FAM227B: variants seen among roughly 807,000 people sequenced by gnomAD.
The protein encoded by FAM227B is family with sequence similarity 227 member B.
A neutral mutation model predicts 73.8 loss-of-function variants in FAM227B; 88 were observed. That is an observed-to-expected ratio of 1.19 (90% CI 1.00 to 1.42). The LOEUF is 1.42. Among genes scored for constraint, FAM227B ranks in the 40% most tolerant of loss-of-function variants. FAM227B has a pLI of 0.00. For missense variants in FAM227B, 632 were observed against 590.9 expected (o/e 1.07, Z -0.72); for synonymous variants, 210 against 190.5 (o/e 1.10, Z -0.84).
At chr15:49,584,498 T>C (rs917161672) in intron 5 of FAM227B, among the ~76,000 whole-genome samples, 7 of 152,116 alleles carry the variant, frequency 4.6e-5, no homozygotes, top group South Asian at 2.1e-4. Context: ...GAACATAGTA[T>C]TGGAAGCCCT....
intron 10 of FAM227B, among the ~76,000 whole-genome samples, chr15:49,511,394 C>T (rs1055695053): frequency 2.0e-4 from 30 of 152,122 alleles, no homozygotes; most frequent in African/African-American, 7.2e-4. Context: ...TTCCATTTCT[C>T]TAATTTCCAT....
chr15:49,526,747 A>C (rs1312363909), intron 10 of FAM227B, among the ~76,000 whole-genome samples: 2 of 152,070 alleles, frequency 1.3e-5, no homozygotes, highest in African/African-American at 4.8e-5. Context: ...ACAAAGGATC[A>C]TCAGAGACTA....
chr15:49,587,420 C>T (rs1349798225), intron 5 of FAM227B, among the ~76,000 whole-genome samples: 3 of 152,074 alleles, frequency 2.0e-5, no homozygotes, highest in Non-Finnish European at 1.5e-5. Flanking sequence ...ATCTGTACAG[C>T]AAACCCGCAT....
intron 8 of FAM227B, among the ~76,000 whole-genome samples, chr15:49,571,334 C>T (rs2075086003): frequency 1.3e-5 from 2 of 151,894 alleles, no homozygotes; most frequent in Admixed American, 6.6e-5. Context: ...GTTTGCTTTG[C>T]TCTGCTGAAG....
In FAM227B at chr15:49,355,647, C is replaced by A. The variant is rs982245234; in HGVS notation, c.1271+11801G>T. Among the ~76,000 whole-genome samples the A allele has an allele frequency of 2.6e-5, 4 of 151,946 alleles. No individual in the cohort carries two copies. In the East Asian group the frequency reaches 5.8e-4, roughly 22 times the overall value. ...CCTGAAAGTGATGGGGAGAATGGAA[C>A]CAAGTTGGAAAACACTCTGCAGGAT... On this transcript the variant is annotated intron_variant, in intron 13 of 15. Transcript: ENST00000299338.
chr15:49,412,412 G>A (rs186671448), intron 11 of FAM227B, among the ~76,000 whole-genome samples: 1 of 152,056 alleles, frequency 6.6e-6, no homozygotes, highest in Non-Finnish European at 1.5e-5. Context: ...ATAGCTTTCA[G>A]GAATATGAAA....
At chr15:49,503,372 C>G (rs1485372865) in intron 11 of FAM227B, among the ~76,000 whole-genome samples, 2 of 152,136 alleles carry the variant, frequency 1.3e-5, no homozygotes, top group African/African-American at 4.8e-5. Context: ...TGGGCAAGGA[C>G]TTCATGTCTA....
At chr15:49,577,561 G>T in intron 6 of FAM227B, 68 bp downstream of exon 6, 1 of 960,850 alleles carries the variant, frequency 1.0e-6, no homozygotes, top group Non-Finnish European at 1.6e-6. Context: ...TTATATTGTT[G>T]TAAACATTAT....
chr15:49,615,451 A>G (rs2078229025), intron 1 of FAM227B, among the ~76,000 whole-genome samples: 1 of 152,068 alleles, frequency 6.6e-6, no homozygotes. Flanking sequence ...GGTGGTTTCT[A>G]ATGATTTTGC....
intron 11 of FAM227B, among the ~76,000 whole-genome samples, chr15:49,444,985 G>T (rs1567288430): frequency 6.6e-6 from 1 of 151,320 alleles, no homozygotes; most frequent in African/African-American, 2.4e-5. Flanking sequence ...TATTCATTCT[G>T]ATTCATATTC....
At chr15:49,335,689 G>C (rs1232112220) in intron 13 of FAM227B, among the ~76,000 whole-genome samples, 193 bp from the exon 14 acceptor site, 1 of 152,120 alleles carries the variant, frequency 6.6e-6, no homozygotes, top group Non-Finnish European at 1.5e-5. Flanking sequence ...CTTTAAACTT[G>C]TGTCCCATTA....
chr15:49,496,912 G>A (rs2057663658), intron 11 of FAM227B, among the ~76,000 whole-genome samples: 1 of 150,706 alleles, frequency 6.6e-6, no homozygotes, highest in African/African-American at 2.5e-5. Flanking sequence ...CACAGAATAA[G>A]GTTTTAGTAT....
At chr15:49,534,414 C>T (rs1459125219) in intron 10 of FAM227B, among the ~76,000 whole-genome samples, 1 of 151,748 alleles carries the variant, frequency 6.6e-6, no homozygotes, top group Non-Finnish European at 1.5e-5. Context: ...ATCAATTTAT[C>T]AAGAGGATGT....
intron 3 of FAM227B, among the ~76,000 whole-genome samples, chr15:49,595,524 T>C (rs1254319641): frequency 6.6e-6 from 1 of 151,536 alleles, no homozygotes; most frequent in Non-Finnish European, 1.5e-5. Flanking sequence ...CTTGTTCAAG[T>C]TCTCAGAAGG....
At chr15:49,392,098 A>G in intron 11 of FAM227B, among the ~76,000 whole-genome samples, 1 of 152,186 alleles carries the variant, frequency 6.6e-6, no homozygotes, top group Non-Finnish European at 1.5e-5. Flanking sequence ...AGATGATAAA[A>G]CATATTACAG....
chr15:49,402,574 T>G (rs1238357023), intron 11 of FAM227B, among the ~76,000 whole-genome samples: 1 of 152,192 alleles, frequency 6.6e-6, no homozygotes, highest in Non-Finnish European at 1.5e-5. Flanking sequence ...ATTCATGATT[T>G]GGTTCTCTAT....
rs1353182037 is a variant in FAM227B at position 49,489,805 on chromosome 15, ATATATATATATATATTT to A, written c.1012+18389_1012+18405del. On this transcript the variant is annotated intron_variant, in intron 11 of 15. Coordinates refer to ENST00000299338, the MANE Select transcript of FAM227B (RefSeq NM_152647.3). ...AACAGGAGATATATATATATATTTT[ATATATATATATATATTT>A]TATATATATATATATATTTTATATA... Among the ~76,000 whole-genome samples the A allele has an allele frequency of 4.5e-4, 21 of 46,832 alleles. 1 individual carries two copies. The highest frequency in any genetic ancestry group is 1.0e-3 in the East Asian group (2 of 1,988). The allele number at this position is 46,832 out of a possible 152,430, so 30.7% of individuals were successfully genotyped here. A position where few individuals can be genotyped will look rare whatever the true frequency, so the allele number is the denominator to read the frequency against.
intron 11 of FAM227B, among the ~76,000 whole-genome samples, chr15:49,404,564 T>C (rs1222079948): frequency 6.6e-6 from 1 of 152,148 alleles, no homozygotes; most frequent in Non-Finnish European, 1.5e-5. Context: ...GTTTGTTTTG[T>C]CTGACATTAG....
intron 9 of FAM227B, among the ~76,000 whole-genome samples, chr15:49,560,921 A>G (rs762809939): frequency 6.6e-6 from 1 of 152,152 alleles, no homozygotes; most frequent in Non-Finnish European, 1.5e-5. Context: ...ACTAACACAA[A>G]ATTAAACTTA....
Sources: allele counts gnomAD v4.1 joint callset (sites outside exome capture counted in the v4.1 genomes callset), GRCh38; gene constraint gnomAD v4.1.1; transcripts MANE v1.5; gene names NCBI Gene and HGNC (gene_info 2026-07-23, HGNC 2026-07-21).